Variants in RAPGEF6 observed in about 807,000 individuals in gnomAD.
RAPGEF6 encodes the protein PDZ domain containing guanine nucleotide exchange factor (GEF) 2.
In RAPGEF6, 56 loss-of-function variants were observed where a neutral mutation model predicts 171.4. That is an observed-to-expected ratio of 0.33 (90% CI 0.26 to 0.41). The LOEUF is 0.41. RAPGEF6 is among the 10% of genes least tolerant of loss of function. The pLI is 1.00. For missense variants in RAPGEF6, 1,674 were observed against 1,921.4 expected, an observed-to-expected ratio of 0.87 and a Z score of 2.41; for synonymous variants, 692 against 650.1, an observed-to-expected ratio of 1.06 and a Z score of -0.98.
At chr5:131,577,037 C>T (rs887449300) in intron 4 of RAPGEF6, among the ~76,000 whole-genome samples, 2 of 152,134 alleles carry the variant, frequency 1.3e-5, no homozygotes, top group Admixed American at 6.5e-5. Flanking sequence ...CCATATGCCC[C>T]GACTCAAAAA....
intron 1 of RAPGEF6, among the ~76,000 whole-genome samples, chr5:131,605,567 T>C (rs1242908461): frequency 6.6e-6 from 1 of 152,200 alleles, no homozygotes; most frequent in Non-Finnish European, 1.5e-5. Flanking sequence ...CTATTTCCTA[T>C]GAGGAATAAT....
intron 22 of RAPGEF6, among the ~76,000 whole-genome samples, chr5:131,443,708 T>C (rs968962487): frequency 1.3e-5 from 2 of 152,228 alleles, no homozygotes; most frequent in Non-Finnish European, 1.5e-5. Flanking sequence ...TCACCAGTCC[T>C]ATACTCTCAT....
intron 3 of RAPGEF6, among the ~76,000 whole-genome samples, chr5:131,595,964 C>A (rs1284776862): frequency 6.6e-6 from 1 of 151,988 alleles, no homozygotes; most frequent in East Asian, 1.9e-4. Context: ...ACCAGCCTGG[C>A]CAACATGGCG....
chr5:131,538,263 ATG>A (rs1237230346), intron 6 of RAPGEF6, among the ~76,000 whole-genome samples: 1 of 152,206 alleles, frequency 6.6e-6, no homozygotes, highest in Non-Finnish European at 1.5e-5. Context: ...ATTCTGAGGA[ATG>A]TGTCATTAGG....
chr5:131,621,900 C>T (rs749837592), intron 1 of RAPGEF6, among the ~76,000 whole-genome samples: 1 of 152,138 alleles, frequency 6.6e-6, no homozygotes, highest in Non-Finnish European at 1.5e-5. Context: ...GGCCTTCCTA[C>T]AAACTTCTGA....
At chr5:131,536,689 T>C (rs1259784785) in intron 6 of RAPGEF6, among the ~76,000 whole-genome samples, 2 of 152,030 alleles carry the variant, frequency 1.3e-5, no homozygotes, top group African/African-American at 2.4e-5. Flanking sequence ...ATCAGTGAAA[T>C]TGAAAGAACA....
At chr5:131,615,079 A>G (rs1765181701) in intron 1 of RAPGEF6, among the ~76,000 whole-genome samples, 1 of 152,196 alleles carries the variant, frequency 6.6e-6, no homozygotes, top group African/African-American at 2.4e-5. Flanking sequence ...AATAGGTCCT[A>G]CAGGTGATTC....
rs1751370790 is a variant in RAPGEF6, at chr5:131,425,877, T to C, written c.*1389A>G. On this transcript the variant is annotated 3_prime_UTR_variant, in exon 28 of 28. Transcript: ENST00000509018. ...AGTTGATCTGGGTAGTGCACGTTAA[T>C]GGCTTTGGCTTTTTTTTTTTTTTTT... 1 of 140,296 alleles carries C rather than the reference T, an allele frequency of 7.1e-6. No homozygotes were observed. The highest frequency in any genetic ancestry group is 2.3e-4 in the South Asian group (1 of 4,432). The allele number at this position is 140,296 out of a possible 1,614,324, so 8.7% of individuals were successfully genotyped here.
intron 4 of RAPGEF6, among the ~76,000 whole-genome samples, chr5:131,579,014 T>C (rs1762768450): frequency 6.6e-6 from 1 of 152,074 alleles, no homozygotes; most frequent in African/African-American, 2.4e-5. Context: ...TTCTTAAAGG[T>C]GGTGTGTCCA....
intron 10 of RAPGEF6, 82 bp downstream of exon 10, chr5:131,505,282 T>G: frequency 7.3e-7 from 1 of 1,376,094 alleles, no homozygotes; most frequent in Non-Finnish European, 1.0e-6. Context: ...CAAATAAAGC[T>G]ATTTTCTTTT....
rs144372811 is a variant in RAPGEF6, at chr5:131,576,003, T to A, written c.282-13956A>T. On this transcript the variant is annotated intron_variant, in intron 4 of 27. Coordinates refer to ENST00000509018, the MANE Select transcript of RAPGEF6 (RefSeq NM_016340.6). ...TATTTTTCTCCTCACACTTGAAGCA[T>A]ATACTTTCTGCCCGACTCCTTCAAC... Among the ~76,000 whole-genome samples the A allele has an allele frequency of 7.6e-4, 116 of 152,310 alleles. 1 individual carries two copies. The East Asian group carries it at 0.019, about 25-fold the overall frequency.
At chr5:131,570,577 G>T (rs1381986423) in intron 4 of RAPGEF6, among the ~76,000 whole-genome samples, 1 of 152,008 alleles carries the variant, frequency 6.6e-6, no homozygotes, top group Non-Finnish European at 1.5e-5. Context: ...CTTCTGAATG[G>T]ATAGACAAAA....
chr5:131,623,150 G>C (rs1477197297), intron 1 of RAPGEF6, among the ~76,000 whole-genome samples: 1 of 152,130 alleles, frequency 6.6e-6, no homozygotes, highest in Non-Finnish European at 1.5e-5. Flanking sequence ...CAGACGTTTT[G>C]AATCATCTGG....
chr5:131,451,648 G>GT lies in RAPGEF6; in HGVS notation c.3200+1405dup, dbSNP rs566912860. On this transcript the variant is annotated intron_variant, in intron 21 of 27. Coordinates refer to ENST00000509018, the MANE Select transcript of RAPGEF6 (RefSeq NM_016340.6). Reference sequence around the variant, plus strand: ...GAAAACAAATAAAAAAAAACCCAGTGTATCACTGGTTCTATTGGGTTACGA... The same window carrying GT: ...GAAAACAAATAAAAAAAAACCCAGTGTTATCACTGGTTCTATTGGGTTACGA... Among the ~76,000 whole-genome samples the GT allele has an allele frequency of 3.5e-4, 53 of 152,190 alleles. 1 individual carries two copies. The South Asian group carries it at 0.01, about 30-fold the overall frequency.
chr5:131,462,813 C>A (rs1360188977), intron 18 of RAPGEF6, among the ~76,000 whole-genome samples: 1 of 152,180 alleles, frequency 6.6e-6, no homozygotes, highest in Non-Finnish European at 1.5e-5. Flanking sequence ...TTCTAATAAT[C>A]CAACTTGATT....
intron 11 of RAPGEF6, among the ~76,000 whole-genome samples, chr5:131,499,454 G>A (rs922362831): frequency 5.3e-5 from 8 of 151,684 alleles, no homozygotes; most frequent in African/African-American, 1.9e-4. Flanking sequence ...GGTGGCCGGC[G>A]CCTATAATCC....
At chr5:131,516,576 T>A (rs969309345) in intron 7 of RAPGEF6, among the ~76,000 whole-genome samples, 1 of 152,206 alleles carries the variant, frequency 6.6e-6, no homozygotes, top group African/African-American at 2.4e-5. Context: ...TGGATAAATG[T>A]GTGTCTGGAG....
At chr5:131,434,244 G>C (rs1751886940) in intron 24 of RAPGEF6, among the ~76,000 whole-genome samples, 1 of 152,126 alleles carries the variant, frequency 6.6e-6, no homozygotes, top group African/African-American at 2.4e-5. Flanking sequence ...CACTGTTTTA[G>C]ATTATTTTTA....
At chr5:131,498,334 A>T in intron 12 of RAPGEF6, 109 bp downstream of exon 12, 1 of 970,398 alleles carries the variant, frequency 1.0e-6, no homozygotes, top group Non-Finnish European at 1.5e-6. Flanking sequence ...TAATTTTTTT[A>T]GGTGTACTGA....
Sources: gnomAD v4.1 joint callset for allele counts (sites outside exome capture counted in the v4.1 genomes callset) on GRCh38, gnomAD v4.1.1 for gene constraint, MANE v1.5 for transcripts, NCBI Gene and HGNC (gene_info 2026-07-23, HGNC 2026-07-21) for gene names.